The following DNHD1 variants were observed in gnomAD, a reference collection of about 807,000 sequenced individuals.
DNHD1 encodes dynein heavy chain domain 1.
Under a neutral mutation model 458.1 loss-of-function variants are expected in DNHD1, and 383 were observed. The ratio of observed to expected loss-of-function variants is 0.84; its 90% CI spans 0.77 to 0.91. DNHD1 has a LOEUF of 0.91. DNHD1 is among the 40% of genes least tolerant of loss of function. DNHD1 has a pLI of 0.00. For synonymous variants in DNHD1, 2,203 were observed against 2,376.9 expected, an observed-to-expected ratio of 0.93 and a Z score of 2.13; for missense variants, 5,336 against 5,866.1, an observed-to-expected ratio of 0.91 and a Z score of 2.95.
chr11:6,564,886 A>G, intron 32 of DNHD1, 82 bp downstream of exon 32: 1 of 1,170,940 alleles, frequency 8.5e-7, no homozygotes, highest in Non-Finnish European at 1.2e-6. Flanking sequence ...TCCCTTCATA[A>G]TGAGGACACT....
intron 19 of DNHD1, 96 bp from the exon 20 acceptor site, chr11:6,544,478 G>C: frequency 8.9e-7 from 1 of 1,125,920 alleles, no homozygotes; most frequent in Non-Finnish European, 1.3e-6. Flanking sequence ...TGCTTGGGCT[G>C]GTGGGGTACC....
intron 3 of DNHD1, among the ~76,000 whole-genome samples, chr11:6,501,478 CTT>C (rs1160493485): frequency 6.6e-6 from 1 of 152,010 alleles, no homozygotes; most frequent in East Asian, 1.9e-4. Context: ...AGGAATTAAT[CTT>C]ACAGAGAAGA....
Position 6,548,169 on chromosome 11 carries a change from G to A in DNHD1, c.6906-41G>A, listed in dbSNP as rs1200510278. The A allele has an allele frequency of 1.3e-6, 2 of 1,548,444 alleles. No individual in the cohort carries two copies. Among genetic ancestry groups the A allele is most frequent in the Non-Finnish European group, 1.7e-6 (2 of 1,144,390 alleles). ...TGAGTGTGTCATAAATGGAAGTGTTGTAACTGTCTGACGCTTTTGCCTGTG... is the reference window on the plus strand; with the variant it reads ...TGAGTGTGTCATAAATGGAAGTGTTATAACTGTCTGACGCTTTTGCCTGTG... On this transcript the variant is annotated intron_variant, in intron 22 of 42. Transcript: ENST00000254579. The surrounding 1 kb of genome is among the most constrained non-coding windows in gnomAD (Gnocchi z 4.4).
In DNHD1 at chr11:6,544,778, C is replaced by T; in HGVS notation, c.3853-14C>T. ...TCATATTGGCCCTCACTTTTATCCTCTCCCTCACCACAGAACTCTCGTTTC... is the reference window on the plus strand; with the variant it reads ...TCATATTGGCCCTCACTTTTATCCTTTCCCTCACCACAGAACTCTCGTTTC... On this transcript the variant is annotated splice_polypyrimidine_tract_variant and intron_variant, in intron 20 of 42. Coordinates refer to ENST00000254579, the MANE Select transcript of DNHD1 (RefSeq NM_144666.3). 1.9e-6 allele frequency: 3 copies of T among 1,548,260 alleles called. No individual in the cohort carries two copies. The highest frequency in any genetic ancestry group is 2.6e-6 in the Non-Finnish European group (3 of 1,144,116).
chr11:6,506,023 G>A (rs1589865372), intron 4 of DNHD1, among the ~76,000 whole-genome samples: 1 of 152,168 alleles, frequency 6.6e-6, no homozygotes. Context: ...GGCACATAAA[G>A]AGATAAGAAA....
At position 6,557,856 on chromosome 11, in the gene DNHD1, C is replaced by T; in HGVS notation, c.8561C>T (p.Ala2854Val). 1 of 1,551,098 alleles carries T rather than the reference C, an allele frequency of 6.4e-7. No individual in the cohort carries two copies. Among genetic ancestry groups the T allele is most frequent in the Non-Finnish European group, 8.7e-7 (1 of 1,146,966 alleles). The change falls in exon 25 of 43, where the codon GCT becomes GTT. Residue 2854 changes from alanine (A) to valine (V), a missense_variant. Physicochemically the swap from Ala to Val is moderately conservative, Grantham distance 64. This residue lies in a region of DNHD1 where 3,932 missense variants were observed against 4,365.6 expected (regional missense o/e 0.90). Transcript: ENST00000254579. ...KLEEQLATSA[A>V]QLKLSPHLAR... The stretch of plus-strand genomic sequence containing the variant: ...GAGGAGCAGTTGGCCACCTCAGCTG[C>T]TCAACTGAAGTTGAGCCCCCACCTG...
intron 14 of DNHD1, among the ~76,000 whole-genome samples, chr11:6,535,166 G>T (rs1165379534): frequency 6.6e-6 from 1 of 152,134 alleles, no homozygotes; most frequent in African/African-American, 2.4e-5. Flanking sequence ...GAAAAATGTT[G>T]TGAGCTTGTT....
intron 7 of DNHD1, among the ~76,000 whole-genome samples, chr11:6,512,901 G>C (rs188847888): frequency 3.3e-5 from 5 of 152,252 alleles, no homozygotes; most frequent in African/African-American, 1.2e-4. Flanking sequence ...GGACTCTTCA[G>C]TGATATCTTC....
chr11:6,548,522 C>T lies in DNHD1; in HGVS notation c.7098+120C>T. On this transcript the variant is annotated intron_variant, in intron 23 of 42. Coordinates refer to ENST00000254579, the MANE Select transcript of DNHD1 (RefSeq NM_144666.3). The surrounding 1 kb of genome is among the most constrained non-coding windows in gnomAD (Gnocchi z 4.4). Reference sequence around the variant, plus strand: ...CCTTTCTTTGATATATTTTCACAATCACAAGAATACATGAAATATTTTCCA... The same window carrying T: ...CCTTTCTTTGATATATTTTCACAATTACAAGAATACATGAAATATTTTCCA... 1 of 1,451,268 alleles carries T rather than the reference C, an allele frequency of 6.9e-7. No homozygotes were observed. Among genetic ancestry groups the T allele is most frequent in the Non-Finnish European group, 9.3e-7 (1 of 1,072,876 alleles). The allele number at this position is 1,451,268 out of a possible 1,614,324, so 89.9% of individuals were successfully genotyped here. A position where few individuals can be genotyped will look rare whatever the true frequency, so the allele number is the denominator to read the frequency against.
chr11:6,530,348 C>T (rs1450219084), intron 12 of DNHD1, among the ~76,000 whole-genome samples: 1 of 152,130 alleles, frequency 6.6e-6, no homozygotes, highest in Non-Finnish European at 1.5e-5. Context: ...GTCTTTTACC[C>T]TCTTTTCTTT....
chr11:6,498,285 C>A lies in DNHD1; in HGVS notation c.70C>A (p.His24Asn), dbSNP rs143422606. 193 of 1,614,220 alleles carry A rather than the reference C, an allele frequency of 1.2e-4. 3 individuals carry two copies. The East Asian group carries it at 2.0e-3, about 17-fold the overall frequency. ...ATCATCTGATTCCCTTAAGTCTTGG[C>A]ACTCCATATGTGTCTTGGACAGCAA... ...ETSSDSLKSW[H>N]SICVLDSKEQ... The change falls in exon 3 of 43, where the codon CAC becomes AAC. Residue 24 changes from histidine (H) to asparagine (N), a missense_variant. By Grantham distance (68) the His-to-Asn change is moderately conservative. Coordinates refer to ENST00000254579, the MANE Select transcript of DNHD1 (RefSeq NM_144666.3).
intron 20 of DNHD1, 29 bp downstream of exon 20, chr11:6,544,700 CAAG>C: frequency 6.5e-7 from 1 of 1,545,900 alleles, no homozygotes; most frequent in Non-Finnish European, 8.8e-7. Flanking sequence ...GCAGAGAGGG[CAAG>C]AAGGGTTCCT....
At chr11:6,522,391 C>G (rs750682447) in intron 10 of DNHD1, among the ~76,000 whole-genome samples, 1 of 152,010 alleles carries the variant, frequency 6.6e-6, no homozygotes, top group Admixed American at 6.6e-5. Flanking sequence ...CTGTTTTTCT[C>G]ACTTATAAGT....
Position 6,566,655 on chromosome 11 carries a change from G to A in DNHD1, c.11275G>A (p.Glu3759Lys), listed in dbSNP as rs1853706883. ...DLGLNMEILEEQMLHEILCRE... is the reference protein window; with the variant it reads ...DLGLNMEILEKQMLHEILCRE... Reference sequence around the variant, plus strand: ...GGGCCTGAACATGGAAATACTGGAAGAACAGATGCTGCATGAAATCTTGTG... The same window carrying A: ...GGGCCTGAACATGGAAATACTGGAAAAACAGATGCTGCATGAAATCTTGTG... The change falls in exon 35 of 43, where the codon GAA becomes AAA. Residue 3759 changes from glutamate (E) to lysine (K), a missense_variant. Physicochemically the swap from Glu to Lys is moderately conservative, Grantham distance 56 (BLOSUM62 1). Around this residue, in one of 4 missense-constraint regions of DNHD1, gnomAD observed 695 missense variants for 804.2 expected, o/e 0.86. Coordinates refer to ENST00000254579, the MANE Select transcript of DNHD1 (RefSeq NM_144666.3). 4 of 1,613,772 alleles carry A rather than the reference G, an allele frequency of 2.5e-6. No individual in the cohort carries two copies. The highest frequency in any genetic ancestry group is 3.4e-6 in the Non-Finnish European group (4 of 1,179,816).
chr11:6,529,225 C>G (rs1420358309), intron 12 of DNHD1, 104 bp downstream of exon 12: 1 of 1,289,414 alleles, frequency 7.8e-7, no homozygotes, highest in East Asian at 2.5e-5. Context: ...CGGTGCAGGC[C>G]TCTTATTGGA....
rs943382669 is a variant in DNHD1, at chr11:6,570,041, C to A, written c.12896C>A (p.Thr4299Asn). Residue 4299 changes from threonine to asparagine, a missense_variant, in exon 40 of 43, where the codon ACC (threonine) becomes AAC (asparagine). By Grantham distance (65) the Thr-to-Asn change is moderately conservative. Transcript: ENST00000254579. The stretch of plus-strand genomic sequence containing the variant: ...GTGACTCTAACCCAGGTTCTTCAGA[C>A]CCAAGACCAGCTGTGGGCAAGTCTT... ...SQVTLTQVLQ[T>N]QDQLWASLSN... The A allele has an allele frequency of 6.2e-7, 1 of 1,613,942 alleles. No homozygotes were observed. Among genetic ancestry groups the A allele is most frequent in the Non-Finnish European group, 8.5e-7 (1 of 1,179,842 alleles).
intron 6 of DNHD1, among the ~76,000 whole-genome samples, chr11:6,510,101 T>TTA (rs58719521): frequency 1.3e-5 from 2 of 151,212 alleles, no homozygotes; most frequent in African/African-American, 2.5e-5. Flanking sequence ...TTTTTTTTTT[T>TTA]AAATGGAGTT....
At chr11:6,539,147 CTGGGATA>C (rs939503172) in intron 16 of DNHD1, 65 bp from the exon 17 acceptor site, 9 of 1,095,414 alleles carry the variant, frequency 8.2e-6, no homozygotes, top group Non-Finnish European at 1.2e-5. Flanking sequence ...GGGCTGGGCT[CTGGGATA>C]TGGGATATGG....
At chr11:6,518,290 G>T (rs910716023) in intron 7 of DNHD1, among the ~76,000 whole-genome samples, 7 of 152,128 alleles carry the variant, frequency 4.6e-5, no homozygotes, top group African/African-American at 1.4e-4. Context: ...TCAAACTTCT[G>T]GACTTAAGTG....
Sources: allele counts gnomAD v4.1 joint callset (sites outside exome capture counted in the v4.1 genomes callset), GRCh38; gene constraint gnomAD v4.1.1; regional missense constraint gnomAD v4.1.1; non-coding constraint Gnocchi (gnomAD v3.1); transcripts MANE v1.5; gene names NCBI Gene and HGNC (gene_info 2026-07-23, HGNC 2026-07-21).